The following PTK2 variants were observed in gnomAD, a reference collection of about 807,000 sequenced individuals.
PTK2 encodes the protein focal adhesion kinase 1.
In PTK2, 45 loss-of-function variants were observed where a neutral mutation model predicts 150.1. That is an observed-to-expected ratio of 0.30 (90% CI 0.24 to 0.38). PTK2 has a LOEUF of 0.38. PTK2 is among the 10% of genes least tolerant of loss of function. The probability of loss-of-function intolerance (pLI) is 1.00; values close to 1 mark genes in which losing one functional copy is unlikely to be tolerated. For synonymous variants in PTK2, 432 were observed against 449.2 expected (o/e 0.96, Z 0.48); for missense variants, 919 against 1,307.3 (o/e 0.70, Z 4.58).
chr8:140,904,779 T>A (rs1601912411), intron 2 of PTK2, among the ~76,000 whole-genome samples: 2 of 152,222 alleles, frequency 1.3e-5, no homozygotes, highest in East Asian at 3.8e-4. Flanking sequence ...TTCTAGTTTA[T>A]TTGCATAGAG....
At chr8:140,793,236 A>G in intron 13 of PTK2, 118 bp downstream of exon 13, 1 of 1,065,964 alleles carries the variant, frequency 9.4e-7, no homozygotes, top group Non-Finnish European at 1.3e-6. Context: ...ATTGTTTCCT[A>G]GTTCCTTGAT....
At chr8:140,810,471 C>T (rs574479467) in intron 10 of PTK2, among the ~76,000 whole-genome samples, 1 of 152,288 alleles carries the variant, frequency 6.6e-6, no homozygotes, top group East Asian at 1.9e-4. Flanking sequence ...TGCCCTGGGG[C>T]CCACATCATA....
chr8:140,733,166 G>A (rs1325043308), intron 22 of PTK2, among the ~76,000 whole-genome samples: 2 of 152,152 alleles, frequency 1.3e-5, no homozygotes, highest in South Asian at 2.1e-4. Context: ...GGCACAAGGA[G>A]TGAAGCATGA....
intron 26 of PTK2, among the ~76,000 whole-genome samples, chr8:140,693,611 A>T (rs1173772507): frequency 7.4e-6 from 1 of 135,596 alleles, no homozygotes; most frequent in Non-Finnish European, 1.6e-5. Flanking sequence ...AAGGAGCACT[A>T]GGTATAGTAC....
At chr8:140,705,973 A>G (rs1450588790) in intron 24 of PTK2, 146 bp downstream of exon 27, 1 of 584,204 alleles carries the variant, frequency 1.7e-6, no homozygotes, top group African/African-American at 1.9e-5. Flanking sequence ...ACATCATTCA[A>G]TGATTAGGGT....
At chr8:140,719,162 T>C (rs919490319) in intron 22 of PTK2, among the ~76,000 whole-genome samples, 2 of 151,888 alleles carry the variant, frequency 1.3e-5, no homozygotes, top group African/African-American at 4.8e-5. Context: ...GGCAACAGAA[T>C]GAGACTCCAC....
chr8:140,760,619 T>C (rs889368801), intron 16 of PTK2, among the ~76,000 whole-genome samples: 2 of 152,186 alleles, frequency 1.3e-5, no homozygotes, highest in Non-Finnish European at 2.9e-5. Flanking sequence ...ATAAAGTTTC[T>C]TTTTGAGGTG....
chr8:140,735,526 T>C (rs1294069292), intron 21 of PTK2, 71 bp from the exon 25 acceptor site: 41 of 1,512,820 alleles, frequency 2.7e-5, no homozygotes, highest in Non-Finnish European at 3.7e-5. Context: ...TCCAGGAACA[T>C]TGTTCTTCTA....
At chr8:140,669,008 G>A (rs559381424) in intron 29 of PTK2, 2 of 153,016 alleles carry the variant, frequency 1.3e-5, no homozygotes, top group East Asian at 1.9e-4. Flanking sequence ...CAGTGGTGTC[G>A]CTAGGAGCCT....
chr8:140,705,507 G>T (rs1307518798), intron 24 of PTK2, among the ~76,000 whole-genome samples: 1 of 152,168 alleles, frequency 6.6e-6, no homozygotes, highest in South Asian at 2.1e-4. Context: ...GGAACTGCCG[G>T]GGTCACAGAC....
intron 1 of PTK2, among the ~76,000 whole-genome samples, chr8:140,933,846 T>C (rs753253443): frequency 1.3e-5 from 2 of 152,014 alleles, no homozygotes; most frequent in Non-Finnish European, 2.9e-5. Context: ...ATGAGAATTA[T>C]ACGTCAATTT....
intron 14 of PTK2, among the ~76,000 whole-genome samples, chr8:140,786,293 G>A (rs180946360): frequency 7.2e-5 from 11 of 152,300 alleles, no homozygotes; most frequent in African/African-American, 2.6e-4. Flanking sequence ...TTACTGTGGA[G>A]AAGCACATGC....
At chr8:140,975,563 G>A (rs1249504208) in intron 1 of PTK2, among the ~76,000 whole-genome samples, 1 of 152,102 alleles carries the variant, frequency 6.6e-6, no homozygotes, top group African/African-American at 2.4e-5. Context: ...CATGGTTCCT[G>A]GACTAAGAAT....
At position 140,678,910 on chromosome 8, in the gene PTK2, C is replaced by T. The variant is rs1167061834; in HGVS notation, c.2563-3411G>A. On this transcript the variant is annotated intron_variant, in intron 27 of 31. Coordinates refer to ENST00000522684, the Ensembl canonical transcript of PTK2. ...TACTCACTGCTTCAGGCAATAAAAT[C>T]CATGCCCTTTTTTTTTTAATTTAAA... Among the ~76,000 whole-genome samples the T allele has an allele frequency of 5.3e-5, 8 of 150,578 alleles. 1 individual carries two copies. The highest frequency in any genetic ancestry group is 2.0e-4 in the African/African-American group (8 of 40,872).
At chr8:140,770,582 C>G in intron 14 of PTK2, 134 bp downstream of exon 15, 1 of 261,122 alleles carries the variant, frequency 3.8e-6, no homozygotes, top group Non-Finnish European at 6.2e-6. Context: ...TGCTTCTGAA[C>G]AATGAACAGC....
chr8:140,806,532 C>T (rs571869503), intron 10 of PTK2, among the ~76,000 whole-genome samples: 21 of 152,110 alleles, frequency 1.4e-4, no homozygotes, highest in Admixed American at 1.2e-3. Context: ...AAAAAAAATT[C>T]GAAGGCACAG....
At chr8:140,792,563 A>C (rs1299127540) in intron 13 of PTK2, among the ~76,000 whole-genome samples, 1 of 152,238 alleles carries the variant, frequency 6.6e-6, no homozygotes, top group Non-Finnish European at 1.5e-5. Flanking sequence ...ACCCCAACAC[A>C]GAAGTGTACT....
chr8:140,805,099 G>A (rs1023336103), intron 10 of PTK2, among the ~76,000 whole-genome samples: 12 of 152,222 alleles, frequency 7.9e-5, no homozygotes, highest in African/African-American at 2.4e-4. Context: ...GTCCTGGGGC[G>A]TTAAGTACCA....
At chr8:140,752,395 T>C in intron 16 of PTK2, 79 bp from the exon 20 acceptor site, 1 of 1,312,614 alleles carries the variant, frequency 7.6e-7, no homozygotes, top group East Asian at 2.3e-5. Context: ...AACCTGTCTG[T>C]TTTGCAACTA....
Sources: allele counts gnomAD v4.1 joint callset (sites outside exome capture counted in the v4.1 genomes callset), GRCh38; gene constraint gnomAD v4.1.1; transcripts MANE v1.5; gene names NCBI Gene and HGNC (gene_info 2026-07-23, HGNC 2026-07-21).